The following VAMP4 variants were observed in gnomAD, a reference collection of about 807,000 sequenced individuals.
VAMP4 encodes vesicle-associated membrane protein 4.
In VAMP4, 19 loss-of-function variants were observed where a neutral mutation model predicts 23.5. The ratio of observed to expected loss-of-function variants is 0.81; its 90% CI spans 0.56 to 1.19. VAMP4 has a LOEUF of 1.19. Ranked by LOEUF, VAMP4 falls within the 50% of genes most tolerant of loss-of-function variation. The pLI, the probability that VAMP4 is intolerant of heterozygous loss-of-function variation, is 0.00. For missense variants in VAMP4, 145 were observed against 168.6 expected, an observed-to-expected ratio of 0.86 and a Z score of 0.78; for synonymous variants, 31 against 51.0, an observed-to-expected ratio of 0.61 and a Z score of 1.67.
intron 1 of VAMP4, among the ~76,000 whole-genome samples, chr1:171,741,309 T>A (rs1655916973): frequency 6.6e-6 from 1 of 152,180 alleles, no homozygotes; most frequent in Non-Finnish European, 1.5e-5. Flanking sequence ...GTCTTCCTTG[T>A]CTGTCATCAG....
intron 4 of VAMP4, among the ~76,000 whole-genome samples, chr1:171,715,247 G>T (rs1437468296): frequency 6.6e-6 from 1 of 152,138 alleles, no homozygotes; most frequent in East Asian, 1.9e-4. Flanking sequence ...AGGAAGGGTG[G>T]AGATTTTTAT....
chr1:171,717,411 A>G (rs1655055302), intron 4 of VAMP4, among the ~76,000 whole-genome samples: 1 of 152,160 alleles, frequency 6.6e-6, no homozygotes, highest in African/African-American at 2.4e-5. Context: ...GGAACATGAG[A>G]GAATGAGTGG....
chr1:171,706,678 T>C (rs1001141870), intron 6 of VAMP4, among the ~76,000 whole-genome samples: 1 of 152,136 alleles, frequency 6.6e-6, no homozygotes, highest in African/African-American at 2.4e-5. Flanking sequence ...AGAATTCTCA[T>C]ATACTTTGAA....
At chr1:171,709,391 A>G (rs1011225437) in intron 6 of VAMP4, among the ~76,000 whole-genome samples, 7 of 152,212 alleles carry the variant, frequency 4.6e-5, no homozygotes, top group African/African-American at 1.7e-4. Context: ...TTTTAAGTTA[A>G]TAAGTTTAGA....
chr1:171,719,117 T>A (rs1302058930), intron 4 of VAMP4, 54 bp downstream of exon 4: 15 of 1,541,850 alleles, frequency 9.7e-6, no homozygotes, highest in Non-Finnish European at 1.2e-5. Flanking sequence ...AGTTTGCCAA[T>A]CTCTAGTCTA....
At chr1:171,722,386 A>G (rs1448524101) in intron 3 of VAMP4, among the ~76,000 whole-genome samples, 1 of 152,218 alleles carries the variant, frequency 6.6e-6, no homozygotes, top group East Asian at 1.9e-4. Flanking sequence ...AATGTCAACA[A>G]AAGCCAAAAT....
chr1:171,715,033 AT>A (rs1489287252), intron 4 of VAMP4, among the ~76,000 whole-genome samples: 1 of 152,182 alleles, frequency 6.6e-6, no homozygotes, highest in African/African-American at 2.4e-5. Context: ...GAGGCAGTGG[AT>A]GGTGAGAAAG....
chr1:171,730,242 AC>A (rs1472344091), intron 2 of VAMP4, among the ~76,000 whole-genome samples: 1 of 152,164 alleles, frequency 6.6e-6, no homozygotes, highest in African/African-American at 2.4e-5. Flanking sequence ...CTAATACACT[AC>A]CCATGTACTT....
chr1:171,728,663 A>G, intron 2 of VAMP4, 93 bp from the exon 3 acceptor site: 1 of 1,228,114 alleles, frequency 8.1e-7, no homozygotes. Flanking sequence ...TACTAGTGAA[A>G]TTTCTTAACT....
chr1:171,737,976 ATTAG>A (rs1299920205), intron 2 of VAMP4, among the ~76,000 whole-genome samples: 1 of 152,150 alleles, frequency 6.6e-6, no homozygotes, highest in Non-Finnish European at 1.5e-5. Context: ...TGTTATTATT[ATTAG>A]TTAATTAATT....
intron 3 of VAMP4, among the ~76,000 whole-genome samples, chr1:171,724,550 A>G (rs752296000): frequency 1.2e-4 from 18 of 152,058 alleles, no homozygotes; most frequent in Non-Finnish European, 2.2e-4. Context: ...GAAAACTACA[A>G]AACACTGCTG....
chr1:171,703,882 C>T lies in VAMP4; in HGVS notation c.*624G>A, dbSNP rs1172836359. 1 of 152,266 alleles carries T rather than the reference C, an allele frequency of 6.6e-6. No homozygotes were observed. The highest frequency in any genetic ancestry group is 1.5e-5 in the Non-Finnish European group (1 of 67,834). 9.4% of individuals were successfully genotyped at this position (152,266 alleles called of 1,614,324 possible). A position where few individuals can be genotyped will look rare whatever the true frequency, so the allele number is the denominator to read the frequency against. ...TCACACTGTTTAAAAATTTCCATTT[C>T]CATAATCCAATGCCAAAAAAATTAC... On this transcript the variant is annotated 3_prime_UTR_variant, in exon 8 of 8. Coordinates refer to ENST00000236192, the MANE Select transcript of VAMP4 (RefSeq NM_003762.5).
At chr1:171,722,424 G>C (rs1244189563) in intron 3 of VAMP4, among the ~76,000 whole-genome samples, 2 of 152,120 alleles carry the variant, frequency 1.3e-5, no homozygotes, top group Admixed American at 1.3e-4. Context: ...TTAAACTAAA[G>C]AGCTTCTGCA....
chr1:171,703,072 CTAAAT>C lies in VAMP4; in HGVS notation c.*1429_*1433del, dbSNP rs1444906345. On this transcript the variant is annotated 3_prime_UTR_variant, in exon 8 of 8. Transcript: ENST00000236192. ...ATTAAGATGACCAAAGAAATAAAAC[CTAAAT>C]AAAATAAACATAAAATCATTTTTCC... 1 of 151,668 alleles carries C rather than the reference CTAAAT, an allele frequency of 6.6e-6. No homozygotes were observed. The highest frequency in any genetic ancestry group is 2.4e-5 in the African/African-American group (1 of 41,344). 9.4% of individuals were successfully genotyped at this position (151,668 alleles called of 1,614,324 possible).
intron 2 of VAMP4, among the ~76,000 whole-genome samples, chr1:171,737,341 T>C (rs886840248): frequency 6.6e-6 from 1 of 152,230 alleles, no homozygotes; most frequent in African/African-American, 2.4e-5. Flanking sequence ...CCCCAATAAA[T>C]ATGTATTGAG....
intron 3 of VAMP4, among the ~76,000 whole-genome samples, chr1:171,720,250 C>T (rs963134382): frequency 3.3e-5 from 5 of 151,668 alleles, no homozygotes; most frequent in Admixed American, 6.6e-5. Flanking sequence ...TAGGCAAGAA[C>T]TTACAAGAGC....
chr1:171,703,417 GTTTGTGTGTATATATATATA>G lies in VAMP4; in HGVS notation c.*1069_*1088del, dbSNP rs1312981258. The G allele has an allele frequency of 2.0e-5, 2 of 98,710 alleles. No individual in the cohort carries two copies. The highest frequency in any genetic ancestry group is 7.9e-5 in the African/African-American group (2 of 25,360). 6.1% of individuals were successfully genotyped at this position (98,710 alleles called of 1,614,324 possible). ...CGTGTGTGTGTGTGTGTGTGTGTGT[GTTTGTGTGTATATATATATA>G]TATATATATATATATATATATATAT... On this transcript the variant is annotated 3_prime_UTR_variant, in exon 8 of 8. Coordinates refer to ENST00000236192, the MANE Select transcript of VAMP4 (RefSeq NM_003762.5).
chr1:171,710,596 T>C, intron 5 of VAMP4, 118 bp downstream of exon 5: 1 of 676,908 alleles, frequency 1.5e-6, no homozygotes, highest in East Asian at 2.9e-5. Flanking sequence ...TAAAATCATA[T>C]ACTTAAGAAC....
At chr1:171,734,222 C>G (rs1242357119) in intron 2 of VAMP4, among the ~76,000 whole-genome samples, 1 of 144,232 alleles carries the variant, frequency 6.9e-6, no homozygotes, top group African/African-American at 2.6e-5. Context: ...GAGCCGAGAT[C>G]GCACCATTGG....
Sources: gnomAD v4.1 joint callset for allele counts (sites outside exome capture counted in the v4.1 genomes callset) on GRCh38, gnomAD v4.1.1 for gene constraint, MANE v1.5 for transcripts, NCBI Gene and HGNC (gene_info 2026-07-23, HGNC 2026-07-21) for gene names.